CEP170: variants seen among roughly 807,000 people sequenced by gnomAD.
CEP170 encodes centrosomal protein 170, also known as centrosomal protein of 170 kDa.
In CEP170, 21 loss-of-function variants were observed where a neutral mutation model predicts 151.9. The ratio of observed to expected loss-of-function variants is 0.14; its 90% confidence interval spans 0.10 to 0.20. CEP170 has a LOEUF of 0.20. Among genes scored for constraint, CEP170 ranks in the 10% least tolerant of loss-of-function variants. The probability of loss-of-function intolerance (pLI) is 1.00; values close to 1 mark genes in which losing one functional copy is unlikely to be tolerated. For synonymous variants in CEP170, 356 were observed against 648.8 expected, an observed-to-expected ratio of 0.55 and a Z score of 6.86; for missense variants, 964 against 1,892.9, an observed-to-expected ratio of 0.51 and a Z score of 9.11.
At chr1:243,202,207 C>T (rs896650330) in intron 4 of CEP170, among the ~76,000 whole-genome samples, 139 of 152,038 alleles carry the variant, frequency 9.1e-4, no homozygotes, top group Non-Finnish European at 1.8e-3. Context: ...AATCAAAAAC[C>T]CAAATACCAC....
intron 1 of CEP170, among the ~76,000 whole-genome samples, chr1:243,244,769 T>C (rs904068450): frequency 1.3e-5 from 2 of 150,456 alleles, no homozygotes; most frequent in African/African-American, 4.9e-5. Context: ...AAAAAGAAAG[T>C]AAAAACTCCG....
chr1:243,143,732 AG>A (rs769649950), intron 14 of CEP170, among the ~76,000 whole-genome samples: 11 of 151,048 alleles, frequency 7.3e-5, no homozygotes, highest in Non-Finnish European at 1.2e-4. Flanking sequence ...TAACTTAAAA[AG>A]AAAAAAAAAA....
rs772235829 is a variant in CEP170, at chr1:243,129,346, A to G, written c.4413+14T>C. The G allele has an allele frequency of 4.5e-6, 7 of 1,543,024 alleles. No individual in the cohort carries two copies. Among genetic ancestry groups the G allele is most frequent in the Non-Finnish European group, 6.1e-6 (7 of 1,145,848 alleles). On this transcript the variant is annotated intron_variant, in intron 18 of 19. Transcript: ENST00000366542. ...CTATTAAAATGTTTTAATCTTCAAG[A>G]AAAATTACTATACCATGCTTGAGGT...
chr1:243,191,141 G>A lies in CEP170; in HGVS notation c.985C>T (p.Pro329Ser). Residue 329 changes from proline to serine, a missense_variant, in exon 8 of 20, where the codon CCC becomes TCC. Pro to Ser is a moderately conservative substitution (Grantham distance 74, BLOSUM62 -1). Coordinates refer to ENST00000366542, the MANE Select transcript of CEP170 (RefSeq NM_014812.3). The stretch of plus-strand genomic sequence containing the variant: ...AGCCAGTCAGCAACTTTGTTTTCGG[G>A]TGCCATCATTCCTGTTTGAATCCCC... ...LLGIQTGMMA[P>S]ENKVADWLAQ... is the part of the protein sequence containing the mutation. 1 of 1,613,208 alleles carries A rather than the reference G, an allele frequency of 6.2e-7. No homozygotes were observed. The highest frequency in any genetic ancestry group is 8.5e-7 in the Non-Finnish European group (1 of 1,179,492).
chr1:243,212,543 T>C (rs918974682), intron 3 of CEP170, among the ~76,000 whole-genome samples: 1 of 152,216 alleles, frequency 6.6e-6, no homozygotes, highest in African/African-American at 2.4e-5. Flanking sequence ...TCTGCCATTT[T>C]ATCATCCTAG....
chr1:243,163,200 A>T (rs2058203046), intron 13 of CEP170: 1 of 152,220 alleles, frequency 6.6e-6, no homozygotes, highest in South Asian at 2.1e-4. Flanking sequence ...GTAGATGTAA[A>T]CCAATCAAAA....
rs563395965 is a variant in CEP170, at chr1:243,174,330, A to G, written c.1567-1484T>C. 1.8e-3 allele frequency among the ~76,000 whole-genome samples: 276 copies of G among 151,454 alleles called. 1 individual carries two copies. Among genetic ancestry groups the G allele is most frequent in the African/African-American group, 6.5e-3 (267 of 41,210 alleles). On this transcript the variant is annotated intron_variant, in intron 10 of 19. Coordinates refer to ENST00000366542, the MANE Select transcript of CEP170 (RefSeq NM_014812.3). The stretch of plus-strand genomic sequence containing the variant: ...ATAGTTATTGTTTGTGGCTCTGATT[A>G]TTACAATCTAGAAAAATATCATGCA...
intron 14 of CEP170, among the ~76,000 whole-genome samples, chr1:243,152,521 A>AT (rs371392454): frequency 0.36 from 19,647 of 54,022 alleles, 6,999 homozygotes; most frequent in East Asian, 0.49. Flanking sequence ...GCGCCCAGCC[A>AT]TTTTTTTTTT....
intron 13 of CEP170, chr1:243,163,338 A>T (rs1166535694): frequency 6.6e-6 from 1 of 152,256 alleles, no homozygotes; most frequent in Non-Finnish European, 1.5e-5. Flanking sequence ...GGCCTCCCAC[A>T]CTGGCCTTTG....
chr1:243,142,612 T>C, intron 14 of CEP170, 149 bp from the exon 15 acceptor site: 1 of 614,010 alleles, frequency 1.6e-6, no homozygotes, highest in Non-Finnish European at 2.9e-6. Flanking sequence ...ATAATCAGTC[T>C]TAAACCTTAA....
intron 14 of CEP170, among the ~76,000 whole-genome samples, chr1:243,149,983 C>T (rs1270576321): frequency 6.6e-6 from 1 of 151,850 alleles, no homozygotes; most frequent in Non-Finnish European, 1.5e-5. Context: ...AACCACAGTT[C>T]TATTTTAAAA....
intron 1 of CEP170, among the ~76,000 whole-genome samples, chr1:243,232,200 A>T (rs2063826231): frequency 6.6e-6 from 1 of 152,040 alleles, no homozygotes; most frequent in African/African-American, 2.4e-5. Context: ...CATGAGTTCA[A>T]GCAATCCACC....
chr1:243,143,575 A>G (rs2056132772), intron 14 of CEP170, among the ~76,000 whole-genome samples: 1 of 152,248 alleles, frequency 6.6e-6, no homozygotes, highest in Middle Eastern at 3.4e-3. Flanking sequence ...ATTTCATTTC[A>G]ATAAGACATT....
At chr1:243,137,233 C>T (rs878866981) in intron 16 of CEP170, among the ~76,000 whole-genome samples, 1 of 152,130 alleles carries the variant, frequency 6.6e-6, no homozygotes, top group Non-Finnish European at 1.5e-5. Context: ...GCAAAGCTAA[C>T]GAAGCATGGT....
chr1:243,226,004 T>C (rs1199661773), intron 1 of CEP170, among the ~76,000 whole-genome samples: 2 of 147,276 alleles, frequency 1.4e-5, no homozygotes, highest in Non-Finnish European at 3.0e-5. Context: ...CACGTATATA[T>C]ATCTAGATAT....
At chr1:243,233,664 C>T (rs577112091) in intron 1 of CEP170, among the ~76,000 whole-genome samples, 224 of 147,736 alleles carry the variant, frequency 1.5e-3, no homozygotes, top group Non-Finnish European at 2.7e-3. Context: ...ACCCAGGAGG[C>T]GGAGCTTACA....
intron 10 of CEP170, among the ~76,000 whole-genome samples, chr1:243,174,027 C>T (rs1476780507): frequency 2.6e-5 from 4 of 152,090 alleles, no homozygotes; most frequent in African/African-American, 9.7e-5. Context: ...CCTAACAATC[C>T]CTTAAAGACC....
At chr1:243,242,231 CT>C (rs1225016902) in intron 1 of CEP170, among the ~76,000 whole-genome samples, 2 of 151,830 alleles carry the variant, frequency 1.3e-5, no homozygotes, top group Non-Finnish European at 2.9e-5. Flanking sequence ...GTTCTTTTTT[CT>C]TTTTTTGGGA....
At chr1:243,134,418 G>A (rs1020466664) in intron 17 of CEP170, among the ~76,000 whole-genome samples, 3 of 152,128 alleles carry the variant, frequency 2.0e-5, no homozygotes, top group Admixed American at 6.5e-5. Flanking sequence ...GGATAGGTAC[G>A]TAATGGTAGT....
Sources: allele counts gnomAD v4.1 joint callset (sites outside exome capture counted in the v4.1 genomes callset), GRCh38; gene constraint gnomAD v4.1.1; transcripts MANE v1.5; gene names NCBI Gene and HGNC (gene_info 2026-07-23, HGNC 2026-07-21).